CFAP77: variants seen among roughly 807,000 people sequenced by gnomAD.
CFAP77 encodes cilia- and flagella-associated protein 77.
In CFAP77, 25 loss-of-function variants were observed where a neutral mutation model predicts 31.1. The ratio of observed to expected loss-of-function variants is 0.80; its 90% CI spans 0.59 to 1.12. The LOEUF (loss-of-function observed/expected upper bound fraction) is 1.12, where lower values mean the gene tolerates loss of function less well. Ranked by LOEUF, CFAP77 falls within the 50% of genes most tolerant of loss-of-function variation. CFAP77 has a pLI of 0.00. For missense variants in CFAP77, 377 were observed against 397.3 expected (o/e 0.95, Z 0.44); for synonymous variants, 151 against 159.9 (o/e 0.94, Z 0.42).
At chr9:132,506,417 G>A (rs186343407) in intron 3 of CFAP77, among the ~76,000 whole-genome samples, 6 of 152,178 alleles carry the variant, frequency 3.9e-5, no homozygotes, top group East Asian at 3.9e-4. Flanking sequence ...TAATTGGCCC[G>A]GCACTGTCGA....
At chr9:132,566,378 G>A (rs1039416417) in intron 5 of CFAP77, among the ~76,000 whole-genome samples, 3 of 152,220 alleles carry the variant, frequency 2.0e-5, no homozygotes, top group Non-Finnish European at 2.9e-5. Flanking sequence ...GTAAAATGGA[G>A]ACAACGATGG....
At chr9:132,458,154 G>C (rs11999263) in intron 1 of CFAP77, among the ~76,000 whole-genome samples, 17,478 of 152,234 alleles carry the variant, frequency 0.11, 1,205 homozygotes, top group African/African-American at 0.21. Flanking sequence ...CGGGGCGAAG[G>C]AATGAAAATC....
At chr9:132,435,117 A>G (rs561624213) in intron 1 of CFAP77, among the ~76,000 whole-genome samples, 9 of 152,268 alleles carry the variant, frequency 5.9e-5, no homozygotes, top group Admixed American at 5.9e-4. Context: ...ATGATTTGGT[A>G]TTGTATTTAT....
At chr9:132,548,286 G>GGGGGGGGGGGGGGCCCCCCC (rs1564248910) in intron 5 of CFAP77, among the ~76,000 whole-genome samples, 4 of 129,002 alleles carry the variant, frequency 3.1e-5, no homozygotes, top group Non-Finnish European at 3.3e-5. Flanking sequence ...GGGGGGTGGG[G>GGGGGGGGGGGGGGCCCCCCC]GGTGAAGCTG....
At chr9:132,540,530 C>T (rs1852622882) in intron 4 of CFAP77, among the ~76,000 whole-genome samples, 1 of 152,150 alleles carries the variant, frequency 6.6e-6, no homozygotes, top group Admixed American at 6.5e-5. Flanking sequence ...TGGCTGAGGG[C>T]CCTATCACAA....
At chr9:132,504,696 C>G (rs1204188737) in intron 3 of CFAP77, among the ~76,000 whole-genome samples, 1 of 152,148 alleles carries the variant, frequency 6.6e-6, no homozygotes, top group African/African-American at 2.4e-5. Flanking sequence ...CAAAGCAGGC[C>G]CAAATCAGCA....
At chr9:132,568,117 T>C (rs1829909205) in intron 5 of CFAP77, among the ~76,000 whole-genome samples, 2 of 152,116 alleles carry the variant, frequency 1.3e-5, no homozygotes, top group African/African-American at 4.8e-5. Flanking sequence ...TGAAGAGCCA[T>C]GGGCACCCAG....
chr9:132,473,844 C>T (rs562715842), intron 1 of CFAP77, among the ~76,000 whole-genome samples: 49 of 152,224 alleles, frequency 3.2e-4, no homozygotes, highest in East Asian at 2.9e-3. Flanking sequence ...CCACCACGCC[C>T]GGCTAATTTT....
intron 1 of CFAP77, among the ~76,000 whole-genome samples, chr9:132,466,207 T>G (rs771415246): frequency 2.0e-5 from 3 of 152,164 alleles, no homozygotes; most frequent in Non-Finnish European, 4.4e-5. Context: ...TCCTGAGTAG[T>G]TGGGATTACA....
Position 132,424,882 on chromosome 9 carries a change from C to G in CFAP77, c.195+14416C>G, listed in dbSNP as rs1174900907. On this transcript the variant is annotated intron_variant, in intron 1 of 5. Transcript: ENST00000393216. The surrounding 1 kb of genome is among the most constrained non-coding windows in gnomAD (Gnocchi z 4.1). ...CCCTCCTCCTCTCCCAAACACGGCTCCCTTCTTCTCCCCACCTCCCTAATC... is the reference window on the plus strand; with the variant it reads ...CCCTCCTCCTCTCCCAAACACGGCTGCCTTCTTCTCCCCACCTCCCTAATC... 6.6e-6 allele frequency among the ~76,000 whole-genome samples: 1 copy of G among 152,192 alleles called. No individual in the cohort carries two copies. Among genetic ancestry groups the G allele is most frequent in the Non-Finnish European group, 1.5e-5 (1 of 68,026 alleles).
intron 5 of CFAP77, among the ~76,000 whole-genome samples, chr9:132,567,887 A>G (rs575960278): frequency 6.6e-6 from 1 of 152,054 alleles, no homozygotes; most frequent in African/African-American, 2.4e-5. Flanking sequence ...GATGCTTGTG[A>G]TTGGATTTAG....
intron 1 of CFAP77, among the ~76,000 whole-genome samples, chr9:132,453,729 T>C (rs541111932): frequency 1.3e-5 from 2 of 152,318 alleles, no homozygotes; most frequent in African/African-American, 2.4e-5. Flanking sequence ...TGCCCACTCT[T>C]GTAGCAATTC....
intron 3 of CFAP77, among the ~76,000 whole-genome samples, chr9:132,519,479 GATGA>G (rs1302891617): frequency 1.7e-5 from 1 of 58,064 alleles, no homozygotes; most frequent in African/African-American, 6.8e-5. Context: ...TGGATGGATG[GATGA>G]GTGGGTGGGT....
At position 132,525,819 on chromosome 9, in the gene CFAP77, G is replaced by A. The variant is rs141675617; in HGVS notation, c.525-11782G>A. Among the ~76,000 whole-genome samples the A allele has an allele frequency of 9.2e-5, 14 of 152,322 alleles. No homozygotes were observed. In the East Asian group the frequency reaches 1.9e-3, roughly 21 times the overall value. On this transcript the variant is annotated intron_variant, in intron 3 of 5. Transcript: ENST00000393216. The stretch of plus-strand genomic sequence containing the variant: ...TGTTAAATATATGGAATCACACAGC[G>A]TGTAACCTTTTGAGGTTGGCCTTTT...
At chr9:132,449,342 C>T (rs766162495) in intron 1 of CFAP77, among the ~76,000 whole-genome samples, 3 of 152,012 alleles carry the variant, frequency 2.0e-5, no homozygotes, top group Non-Finnish European at 4.4e-5. Context: ...CCCTCCTCTC[C>T]TACTCCTGGC....
chr9:132,415,050 A>G (rs970350684), intron 1 of CFAP77, among the ~76,000 whole-genome samples: 12 of 152,128 alleles, frequency 7.9e-5, no homozygotes, highest in African/African-American at 2.9e-4. Flanking sequence ...ACAATCTGAA[A>G]ATGTTACACG....
At chr9:132,414,579 C>G (rs758422263) in intron 1 of CFAP77, among the ~76,000 whole-genome samples, 1 of 151,852 alleles carries the variant, frequency 6.6e-6, no homozygotes, top group Non-Finnish European at 1.5e-5. Flanking sequence ...GTGATGGGTC[C>G]CCACCCCCGT....
In CFAP77 at chr9:132,486,062, G is replaced by GTA. The variant is rs1851546299; in HGVS notation, c.196-12632_196-12631insAT. On this transcript the variant is annotated intron_variant, in intron 1 of 5. Coordinates refer to ENST00000393216, the MANE Select transcript of CFAP77 (RefSeq NM_001282957.2). ...TATATGTATGTATATGTATGTGTGT[G>GTA]TGTGTATATATATATATATATATAT... Among the ~76,000 whole-genome samples the GTA allele has an allele frequency of 1.9e-4, 4 of 21,544 alleles. No individual in the cohort carries two copies. The African/African-American group carries it at 2.3e-3, about 13-fold the overall frequency. 14.1% of individuals were successfully genotyped at this position (21,544 alleles called of 152,430 possible). A position where few individuals can be genotyped will look rare whatever the true frequency, so the allele number is the denominator to read the frequency against.
chr9:132,515,700 G>A (rs761402878), intron 3 of CFAP77, among the ~76,000 whole-genome samples: 1 of 152,034 alleles, frequency 6.6e-6, no homozygotes, highest in African/African-American at 2.4e-5. Flanking sequence ...TTTCTGCAGC[G>A]AGCAGAGATG....
Sources: allele counts gnomAD v4.1 joint callset (sites outside exome capture counted in the v4.1 genomes callset), GRCh38; gene constraint gnomAD v4.1.1; non-coding constraint Gnocchi (gnomAD v3.1); transcripts MANE v1.5; gene names NCBI Gene and HGNC (gene_info 2026-07-23, HGNC 2026-07-21).